Variants in SPECC1 observed in about 807,000 individuals in gnomAD.
The protein encoded by SPECC1 is cytospin-B.
A neutral mutation model predicts 104.1 loss-of-function variants in SPECC1; 62 were observed. The observed-to-expected ratio is 0.60, with a 90% confidence interval of 0.49 to 0.74. SPECC1 has a LOEUF of 0.74. Among genes scored for constraint, SPECC1 ranks in the 30% least tolerant of loss-of-function variants. The probability of loss-of-function intolerance (pLI) is 0.00; values close to 1 mark genes in which losing one functional copy is unlikely to be tolerated. For missense variants in SPECC1, 1,306 were observed against 1,310.5 expected (o/e 1.00, Z 0.05); for synonymous variants, 513 against 501.6 (o/e 1.02, Z -0.30).
intron 1 of SPECC1, among the ~76,000 whole-genome samples, chr17:20,081,277 A>G (rs1050679902): frequency 6.6e-6 from 1 of 152,118 alleles, no homozygotes; most frequent in Non-Finnish European, 1.5e-5. Context: ...CCTGGTGCCT[A>G]CTGCAGTGCC....
intron 4 of SPECC1, among the ~76,000 whole-genome samples, chr17:20,222,847 C>G (rs769774623): frequency 2.0e-5 from 3 of 152,172 alleles, no homozygotes; most frequent in Non-Finnish European, 4.4e-5. Context: ...CTCTATTTCT[C>G]TGTCATGTTT....
intron 12 of SPECC1, among the ~76,000 whole-genome samples, chr17:20,280,284 AATCTT>A (rs1382909117): frequency 2.0e-5 from 3 of 152,216 alleles, no homozygotes; most frequent in African/African-American, 7.2e-5. Context: ...AAGTGCATCT[AATCTT>A]GACCACAATC....
intron 1 of SPECC1, among the ~76,000 whole-genome samples, chr17:20,063,066 A>G (rs2046246117): frequency 6.6e-6 from 1 of 152,054 alleles, no homozygotes; most frequent in Non-Finnish European, 1.5e-5. Context: ...TCCCATCCCA[A>G]CTGCCTCTCA....
At chr17:20,271,030 A>G (rs555215311) in intron 12 of SPECC1, among the ~76,000 whole-genome samples, 1 of 152,054 alleles carries the variant, frequency 6.6e-6, no homozygotes, top group African/African-American at 2.4e-5. Flanking sequence ...TTCTATTTGT[A>G]TGTTCATCTT....
At chr17:20,292,029 G>C (rs542500521) in intron 12 of SPECC1, among the ~76,000 whole-genome samples, 1 of 151,610 alleles carries the variant, frequency 6.6e-6, no homozygotes, top group East Asian at 1.9e-4. Flanking sequence ...TAATGTAAAC[G>C]TCAAAACGGG....
At chr17:20,230,383 T>G (rs915916417) in intron 5 of SPECC1, among the ~76,000 whole-genome samples, 2 of 152,204 alleles carry the variant, frequency 1.3e-5, no homozygotes, top group East Asian at 1.9e-4. Context: ...CTGCAGAACC[T>G]CAGCGTTCAG....
chr17:20,291,449 T>C (rs1829632086), intron 12 of SPECC1, among the ~76,000 whole-genome samples: 1 of 152,206 alleles, frequency 6.6e-6, no homozygotes, highest in Non-Finnish European at 1.5e-5. Context: ...ATCTGTAAAA[T>C]GGGTATAACA....
intron 3 of SPECC1, among the ~76,000 whole-genome samples, chr17:20,117,842 C>A (rs1442116824): frequency 6.6e-6 from 1 of 150,670 alleles, no homozygotes; most frequent in Non-Finnish European, 1.5e-5. Flanking sequence ...GGTGGCTCAA[C>A]GCCTGTAATC....
At chr17:20,106,373 T>C (rs2048197055) in intron 2 of SPECC1, among the ~76,000 whole-genome samples, 1 of 152,192 alleles carries the variant, frequency 6.6e-6, no homozygotes, top group Non-Finnish European at 1.5e-5. Context: ...GAAGGGATGC[T>C]TTTTACTCTG....
chr17:20,080,916 C>G (rs2046946674), intron 1 of SPECC1, among the ~76,000 whole-genome samples: 1 of 152,068 alleles, frequency 6.6e-6, no homozygotes, highest in Non-Finnish European at 1.5e-5. Flanking sequence ...TGTGGTCCTT[C>G]TTGCCGGCGT....
chr17:20,064,985 T>C (rs2046311287), intron 1 of SPECC1, among the ~76,000 whole-genome samples: 1 of 152,216 alleles, frequency 6.6e-6, no homozygotes, highest in South Asian at 2.1e-4. Flanking sequence ...TGAGCAGTTA[T>C]AGTCAGACTT....
intron 12 of SPECC1, among the ~76,000 whole-genome samples, chr17:20,286,656 G>A (rs908328349): frequency 1.3e-5 from 2 of 152,194 alleles, no homozygotes; most frequent in Non-Finnish European, 2.9e-5. Context: ...ACAAACTGCT[G>A]TTTTTCTGCC....
chr17:20,124,534 AGTTT>A (rs1382085251), intron 3 of SPECC1, among the ~76,000 whole-genome samples: 4 of 152,140 alleles, frequency 2.6e-5, no homozygotes, highest in Non-Finnish European at 5.9e-5. Flanking sequence ...GCCAGGAATG[AGTTT>A]GTTCTTGTTT....
At chr17:20,020,337 A>AT (rs1228897357) in intron 1 of SPECC1, among the ~76,000 whole-genome samples, 9 of 150,946 alleles carry the variant, frequency 6.0e-5, no homozygotes, top group South Asian at 4.2e-4. Flanking sequence ...CTGTTTTTTT[A>AT]TTTTTTTTAT....
At chr17:20,172,133 C>T (rs1331375041) in intron 3 of SPECC1, among the ~76,000 whole-genome samples, 1 of 152,210 alleles carries the variant, frequency 6.6e-6, no homozygotes, top group African/African-American at 2.4e-5. Context: ...TGGTCAGGTG[C>T]TGTTCCCCTG....
rs1189658770 is a variant in SPECC1 at position 20,318,612 on chromosome 17, C to A, written c.*4547C>A. 8.7e-6 allele frequency: 2 copies of A among 228,890 alleles called. No homozygotes were observed. The highest frequency in any genetic ancestry group is 1.3e-3 in the Middle Eastern group (1 of 762). The allele number at this position is 228,890 out of a possible 1,614,324, so 14.2% of individuals were successfully genotyped here. On this transcript the variant is annotated 3_prime_UTR_variant, in exon 15 of 15. Coordinates refer to ENST00000395527, the MANE Select transcript of SPECC1 (RefSeq NM_001243439.2). ...GAGGACTCGGGCCCATAGATGCAGA[C>A]CCCCTACCAAATCTAGCAATAGTTC... is the stretch of plus-strand genomic sequence containing the variant.
At chr17:20,156,274 C>T (rs1244989091) in intron 3 of SPECC1, 5 of 1,285,408 alleles carry the variant, frequency 3.9e-6, no homozygotes, top group South Asian at 1.9e-5. Context: ...GCAGCCGCAA[C>T]CCCACCCCCC....
At chr17:20,170,979 A>T (rs1348581365) in intron 3 of SPECC1, among the ~76,000 whole-genome samples, 2 of 152,190 alleles carry the variant, frequency 1.3e-5, no homozygotes, top group African/African-American at 2.4e-5. Flanking sequence ...GCCAAATTTT[A>T]AAAAAATCTT....
intron 3 of SPECC1, among the ~76,000 whole-genome samples, chr17:20,120,741 T>C (rs2048987229): frequency 6.6e-6 from 1 of 152,244 alleles, no homozygotes; most frequent in Admixed American, 6.5e-5. Flanking sequence ...CATGAAATTT[T>C]AATACAGTGT....
Sources: allele counts gnomAD v4.1 joint callset (sites outside exome capture counted in the v4.1 genomes callset), GRCh38; gene constraint gnomAD v4.1.1; transcripts MANE v1.5; gene names NCBI Gene and HGNC (gene_info 2026-07-23, HGNC 2026-07-21).